Variants in ARID5A observed in about 807,000 individuals in gnomAD.
ARID5A encodes the protein AT-rich interactive domain-containing protein 5A.
ARID5A carries 14 observed loss-of-function variants against 30.5 expected under a neutral mutation model. The ratio of observed to expected loss-of-function variants is 0.46; its 90% CI spans 0.30 to 0.72. ARID5A has a LOEUF of 0.72. Among genes scored for constraint, ARID5A ranks in the 30% least tolerant of loss-of-function variants. ARID5A has a pLI of 0.07. For missense variants in ARID5A, 669 were observed against 786.2 expected, an observed-to-expected ratio of 0.85 and a Z score of 1.78; for synonymous variants, 338 against 340.4, an observed-to-expected ratio of 0.99 and a Z score of 0.08.
At chr2:96,540,153 T>C (rs896989952) in intron 1 of ARID5A, among the ~76,000 whole-genome samples, 1 of 152,200 alleles carries the variant, frequency 6.6e-6, no homozygotes, top group Admixed American at 6.5e-5. Context: ...GGGCACTGAT[T>C]TGAGTCGGTG....
Position 96,550,519 on chromosome 2 carries a change from C to A in ARID5A, c.411-55C>A. 1 of 1,535,932 alleles carries A rather than the reference C, an allele frequency of 6.5e-7. No homozygotes were observed. Reference sequence around the variant, plus strand: ...GGGGGCTCAGAGGAGGCTACAGAGGCCCAGGGAGGGGATGGGCGCCGGCCT... The same window carrying A: ...GGGGGCTCAGAGGAGGCTACAGAGGACCAGGGAGGGGATGGGCGCCGGCCT... On this transcript the variant is annotated intron_variant, in intron 5 of 6. Coordinates refer to ENST00000357485, the MANE Select transcript of ARID5A (RefSeq NM_212481.3). This position sits in a 1 kb window ranked among gnomAD's most constrained non-coding sequence, Gnocchi z 6.6.
chr2:96,541,544 T>A (rs2104668578), intron 1 of ARID5A, among the ~76,000 whole-genome samples: 1 of 152,278 alleles, frequency 6.6e-6, no homozygotes, highest in East Asian at 1.9e-4. Context: ...ATGGGGAAAG[T>A]AGCATTTTAC....
At chr2:96,542,487 C>T (rs536944464) in intron 1 of ARID5A, among the ~76,000 whole-genome samples, 1 of 152,284 alleles carries the variant, frequency 6.6e-6, no homozygotes, top group East Asian at 1.9e-4. Flanking sequence ...CTGGTGTGGT[C>T]CAGGCAGAGC....
chr2:96,550,101 C>T lies in ARID5A; in HGVS notation c.313-87C>T, dbSNP rs964858753. 1 of 1,531,494 alleles carries T rather than the reference C, an allele frequency of 6.5e-7. No homozygotes were observed. 94.9% of individuals were successfully genotyped at this position (1,531,494 alleles called of 1,614,324 possible). Reference sequence around the variant, plus strand: ...GAGCAGCTGCCAAACTGCAGTCCTTCGAGTCCCTGCGAGGGCGGCCGGAGC... The same window carrying T: ...GAGCAGCTGCCAAACTGCAGTCCTTTGAGTCCCTGCGAGGGCGGCCGGAGC... On this transcript the variant is annotated intron_variant, in intron 4 of 6. Transcript: ENST00000357485. This position sits in a 1 kb window ranked among gnomAD's most constrained non-coding sequence, Gnocchi z 6.6.
intron 1 of ARID5A, among the ~76,000 whole-genome samples, chr2:96,543,275 C>G (rs943526725): frequency 6.6e-6 from 1 of 152,184 alleles, no homozygotes; most frequent in African/African-American, 2.4e-5. Flanking sequence ...TCAGATTCCC[C>G]CTCTTTAAAA....
chr2:96,550,790 C>A lies in ARID5A; in HGVS notation c.570+57C>A. The stretch of plus-strand genomic sequence containing the variant: ...CCCTTGCCTCTTGTAGCCCCCTACC[C>A]CACAACTCCCTGTGGCCGCGGAGCT... On this transcript the variant is annotated intron_variant, in intron 6 of 6. Coordinates refer to ENST00000357485, the MANE Select transcript of ARID5A (RefSeq NM_212481.3). This position sits in a 1 kb window ranked among gnomAD's most constrained non-coding sequence, Gnocchi z 6.6. 6.7e-7 allele frequency: 1 copy of A among 1,487,662 alleles called. No individual in the cohort carries two copies. The highest frequency in any genetic ancestry group is 9.0e-7 in the Non-Finnish European group (1 of 1,116,894). 92.2% of individuals were successfully genotyped at this position (1,487,662 alleles called of 1,614,324 possible). A position where few individuals can be genotyped will look rare whatever the true frequency, so the allele number is the denominator to read the frequency against.
Position 96,552,250 on chromosome 2 carries a change from GCACGCACCAC to G in ARID5A, c.1725_1734del (p.His575GlnfsTer123). On this transcript the variant is annotated frameshift_variant, in exon 7 of 7. Coordinates refer to ENST00000357485, the MANE Select transcript of ARID5A (RefSeq NM_212481.3). LOFTEE classifies it high-confidence loss of function. ...GACTTTGCCCGGCCTCATCTGCCTG[GCACGCACCAC>G]CAGTCACAACCTATGCAGCGCCCCA... 2 of 1,613,248 alleles carry G rather than the reference GCACGCACCAC, an allele frequency of 1.2e-6. No individual in the cohort carries two copies. Among genetic ancestry groups the G allele is most frequent in the Non-Finnish European group, 1.7e-6 (2 of 1,179,856 alleles).
rs528609700 is a variant in ARID5A, at chr2:96,549,517, G to A, written c.259+58G>A. ...CCCAGCAGGGGACCCCGCCCAGGCA[G>A]GGCATCGGGCAGGCACTCCCACTCT... On this transcript the variant is annotated intron_variant, in intron 3 of 6. Transcript: ENST00000357485. This position sits in a 1 kb window ranked among gnomAD's most constrained non-coding sequence, Gnocchi z 6.1. The A allele has an allele frequency of 2.5e-4, 396 of 1,589,100 alleles. 5 individuals carry two copies. In the South Asian group the frequency reaches 4.1e-3, roughly 16 times the overall value.
intron 1 of ARID5A, among the ~76,000 whole-genome samples, chr2:96,542,641 G>T (rs1264062683): frequency 6.6e-6 from 1 of 152,170 alleles, no homozygotes; most frequent in Non-Finnish European, 1.5e-5. Flanking sequence ...GGATGGGGCC[G>T]GAGCATTATG....
rs779174909 is a variant in ARID5A, at chr2:96,551,374, T to C, written c.846T>C (p.His282=). 2 of 1,612,142 alleles carry C rather than the reference T, an allele frequency of 1.2e-6. No homozygotes were observed. The highest frequency in any genetic ancestry group is 1.7e-6 in the Non-Finnish European group (2 of 1,179,684). Residue 282 remains histidine, a synonymous_variant, in exon 7 of 7, where the codon CAT becomes CAC. Transcript: ENST00000357485. ...ALQCQEEGCR[H]GAEPQASPAV... ...AGTGCCAGGAGGAGGGCTGCCGCCA[T>C]GGGGCAGAGCCCCAGGCGTCCCCAG...
chr2:96,549,725 A>T lies in ARID5A; in HGVS notation c.260-28A>T, dbSNP rs2065992357. On this transcript the variant is annotated intron_variant, in intron 3 of 6. Transcript: ENST00000357485. The surrounding 1 kb of genome is among the most constrained non-coding windows in gnomAD (Gnocchi z 6.1). Reference sequence around the variant, plus strand: ...CTGTCCCCACCTCCCACAGAGACTGACGGCCAGCCTGCTCTTCTCTCCCCC... The same window carrying T: ...CTGTCCCCACCTCCCACAGAGACTGTCGGCCAGCCTGCTCTTCTCTCCCCC... 1.9e-6 allele frequency: 3 copies of T among 1,613,776 alleles called. No individual in the cohort carries two copies. Among genetic ancestry groups the T allele is most frequent in the Admixed American group, 1.7e-5 (1 of 59,994 alleles).
At chr2:96,543,483 T>A (rs552723923) in intron 1 of ARID5A, among the ~76,000 whole-genome samples, 1 of 152,298 alleles carries the variant, frequency 6.6e-6, no homozygotes, top group East Asian at 1.9e-4. Context: ...TTGGTGATTC[T>A]TACAACATTT....
Position 96,550,325 on chromosome 2 carries a change from C to T in ARID5A, c.410+40C>T. ...GCCCGGGTGCTGGACGCCGCCTACC[C>T]TGCGGGGCTTTGGCCGACCTTGCCG... is the stretch of plus-strand genomic sequence containing the variant. On this transcript the variant is annotated intron_variant, in intron 5 of 6. Coordinates refer to ENST00000357485, the MANE Select transcript of ARID5A (RefSeq NM_212481.3). This position sits in a 1 kb window ranked among gnomAD's most constrained non-coding sequence, Gnocchi z 6.6. 7.0e-7 allele frequency: 1 copy of T among 1,427,294 alleles called. No individual in the cohort carries two copies. Among genetic ancestry groups the T allele is most frequent in the Non-Finnish European group, 9.1e-7 (1 of 1,098,394 alleles). The allele number at this position is 1,427,294 out of a possible 1,614,324, so 88.4% of individuals were successfully genotyped here.
At chr2:96,547,730 G>C (rs150665817) in intron 2 of ARID5A, among the ~76,000 whole-genome samples, 193 of 152,240 alleles carry the variant, frequency 1.3e-3, no homozygotes, top group African/African-American at 4.6e-3. Flanking sequence ...TTGAAATGAA[G>C]ATGACCTACC....
rs1319018524 is a variant in ARID5A at position 96,550,653 on chromosome 2, A to C, written c.490A>C (p.Lys164Gln). 1.2e-6 allele frequency: 2 copies of C among 1,606,336 alleles called. No individual in the cohort carries two copies. The highest frequency in any genetic ancestry group is 1.7e-6 in the Non-Finnish European group (2 of 1,177,068). ...LPTSKPRKQY[K>Q]MAKENRGDDG... The stretch of plus-strand genomic sequence containing the variant: ...CACCTCCAAGCCCAGGAAACAGTAC[A>C]AGATGGCTAAGGAGAACAGGGGGGA... Residue 164 changes from lysine to glutamine, a missense_variant, in exon 6 of 7, where the codon AAG becomes CAG. Physicochemically the swap from Lys to Gln is moderately conservative, Grantham distance 53. This residue lies in a region of ARID5A where 548 missense variants were observed against 577.4 expected (regional missense o/e 0.95). Coordinates refer to ENST00000357485, the MANE Select transcript of ARID5A (RefSeq NM_212481.3). This position sits in a 1 kb window ranked among gnomAD's most constrained non-coding sequence, Gnocchi z 6.6.
Position 96,551,796 on chromosome 2 carries a change from A to G in ARID5A, c.1268A>G (p.Lys423Arg). 6.4e-7 allele frequency: 1 copy of G among 1,568,758 alleles called. No individual in the cohort carries two copies. Among genetic ancestry groups the G allele is most frequent in the Admixed American group, 2.0e-5 (1 of 50,062 alleles). ...GCCTGCTGGGTGTCCCCCATGGCCA[A>G]GGTCCCAGCCGAGAGCCCCACGCTC... ...PKACWVSPMAKVPAESPTLPP... is the reference protein window; with the variant it reads ...PKACWVSPMARVPAESPTLPP... The change falls in exon 7 of 7, where the codon AAG becomes AGG. Residue 423 changes from lysine (K) to arginine (R), a missense_variant. Coordinates refer to ENST00000357485, the MANE Select transcript of ARID5A (RefSeq NM_212481.3).
chr2:96,543,857 T>C (rs375787193), intron 1 of ARID5A, among the ~76,000 whole-genome samples: 12 of 152,356 alleles, frequency 7.9e-5, no homozygotes, highest in South Asian at 2.1e-4. Flanking sequence ...AAAGCCCAGA[T>C]AGGCCGAAAG....
rs923220917 is a variant in ARID5A at position 96,537,705 on chromosome 2, T to G, written c.4+875T>G. 7.2e-5 allele frequency: 17 copies of G among 235,536 alleles called. No homozygotes were observed. Among genetic ancestry groups the G allele is most frequent in the Non-Finnish European group, 9.0e-5 (13 of 144,830 alleles). 14.6% of individuals were successfully genotyped at this position (235,536 alleles called of 1,614,324 possible). A position where few individuals can be genotyped will look rare whatever the true frequency, so the allele number is the denominator to read the frequency against. On this transcript the variant is annotated intron_variant, in intron 1 of 6. Transcript: ENST00000357485. This position sits in a 1 kb window ranked among gnomAD's most constrained non-coding sequence, Gnocchi z 4.8. Reference sequence around the variant, plus strand: ...GCCCGGCTTCGCGCTCGGCGGGAGCTGCGGGCCAACCCGGGCCCGCGCTCC... The same window carrying G: ...GCCCGGCTTCGCGCTCGGCGGGAGCGGCGGGCCAACCCGGGCCCGCGCTCC...
rs2065978311 is a variant in ARID5A, at chr2:96,549,037, C to T, written c.121-284C>T. 6.6e-6 allele frequency among the ~76,000 whole-genome samples: 1 copy of T among 152,168 alleles called. No homozygotes were observed. Among genetic ancestry groups the T allele is most frequent in the Admixed American group, 6.5e-5 (1 of 15,290 alleles). On this transcript the variant is annotated intron_variant, in intron 2 of 6. Coordinates refer to ENST00000357485, the MANE Select transcript of ARID5A (RefSeq NM_212481.3). This position sits in a 1 kb window ranked among gnomAD's most constrained non-coding sequence, Gnocchi z 6.1. ...AGAAGTGACCCTGGCCTGGAGAAGG[C>T]TGGGGACTGCTCTCGTGGCAGCCTC...
Sources: allele counts gnomAD v4.1 joint callset (sites outside exome capture counted in the v4.1 genomes callset), GRCh38; gene constraint gnomAD v4.1.1; regional missense constraint gnomAD v4.1.1; non-coding constraint Gnocchi (gnomAD v3.1); transcripts MANE v1.5; gene names NCBI Gene and HGNC (gene_info 2026-07-23, HGNC 2026-07-21).